Variants in SLAIN2 observed in about 807,000 individuals in gnomAD.
SLAIN2 encodes SLAIN motif-containing protein 2.
SLAIN2 carries 31 observed loss-of-function variants against 56.6 expected under a neutral mutation model. The ratio of observed to expected loss-of-function variants is 0.55; its 90% CI spans 0.41 to 0.74. The LOEUF (loss-of-function observed/expected upper bound fraction) is 0.74, where lower values mean the gene tolerates loss of function less well. Among genes scored for constraint, SLAIN2 ranks in the 30% least tolerant of loss-of-function variants. The probability of loss-of-function intolerance (pLI) is 0.00; values close to 1 mark genes in which losing one functional copy is unlikely to be tolerated. For missense variants in SLAIN2, 777 were observed against 754.2 expected (o/e 1.03, Z -0.35); for synonymous variants, 317 against 284.9 (o/e 1.11, Z -1.13).
chr4:48,375,993 A>G (rs1436805105), intron 2 of SLAIN2, among the ~76,000 whole-genome samples: 11 of 152,174 alleles, frequency 7.2e-5, no homozygotes, highest in Admixed American at 3.3e-4. Context: ...TTGCACCTTT[A>G]TGATAGTACT....
At chr4:48,393,542 C>G (rs1291555400) in intron 6 of SLAIN2, among the ~76,000 whole-genome samples, 5 of 152,168 alleles carry the variant, frequency 3.3e-5, no homozygotes, top group African/African-American at 4.8e-5. Context: ...AACCACCTCA[C>G]TTGGCCAAGA....
At chr4:48,409,543 T>G (rs989702403) in intron 6 of SLAIN2, among the ~76,000 whole-genome samples, 1 of 152,230 alleles carries the variant, frequency 6.6e-6, no homozygotes, top group Non-Finnish European at 1.5e-5. Context: ...GTTTATCCAT[T>G]CATCACTTGG....
rs540737058 is a variant in SLAIN2, at chr4:48,395,323, T to A, written c.1360+11539T>A. Among the ~76,000 whole-genome samples, 7 of 152,200 alleles carry A rather than the reference T, an allele frequency of 4.6e-5. No individual in the cohort carries two copies. The East Asian group carries it at 1.2e-3, about 25-fold the overall frequency. On this transcript the variant is annotated intron_variant, in intron 6 of 7. Transcript: ENST00000264313. Reference sequence around the variant, plus strand: ...TGGTATGAAACAAAGAGGAAAAGTATTTTTCCTATCCAGAACATGTAGGTT... The same window carrying A: ...TGGTATGAAACAAAGAGGAAAAGTAATTTTCCTATCCAGAACATGTAGGTT...
intron 6 of SLAIN2, among the ~76,000 whole-genome samples, chr4:48,389,397 G>T (rs1270106508): frequency 6.6e-6 from 1 of 152,158 alleles, no homozygotes; most frequent in Non-Finnish European, 1.5e-5. Context: ...TTAGTATAGA[G>T]TTCTGGATTT....
intron 7 of SLAIN2, 187 bp downstream of exon 7, chr4:48,420,630 C>A (rs1237231415): frequency 3.9e-6 from 3 of 760,652 alleles, no homozygotes; most frequent in Non-Finnish European, 6.1e-6. Context: ...GGGACTTTTA[C>A]CAGTTTGGTT....
Position 48,342,999 on chromosome 4 carries a change from C to T in SLAIN2, c.389+871C>T, listed in dbSNP as rs149295128. The stretch of plus-strand genomic sequence containing the variant: ...AAATAGGACATGGGAGGCTTTTCCT[C>T]TCGTTTTATTATAAAGATGTGTGTG... On this transcript the variant is annotated intron_variant, in intron 1 of 7. Coordinates refer to ENST00000264313, the MANE Select transcript of SLAIN2 (RefSeq NM_020846.2). 5.2e-3 allele frequency among the ~76,000 whole-genome samples: 795 copies of T among 152,196 alleles called. 8 individuals carry two copies. Among genetic ancestry groups the T allele is most frequent in the African/African-American group, 0.018 (758 of 41,520 alleles).
intron 5 of SLAIN2, 22 bp downstream of exon 5, chr4:48,382,949 A>T: frequency 6.4e-7 from 1 of 1,559,106 alleles, no homozygotes; most frequent in South Asian, 1.2e-5. Context: ...GATTTTACTA[A>T]TAATTAGACA....
At chr4:48,420,878 G>T (rs1717128863) in intron 7 of SLAIN2, among the ~76,000 whole-genome samples, 1 of 152,104 alleles carries the variant, frequency 6.6e-6, no homozygotes, top group Non-Finnish European at 1.5e-5. Context: ...CTATAATTCA[G>T]AATTATCTGT....
At position 48,341,562 on chromosome 4, in the gene SLAIN2, C is replaced by A; in HGVS notation, c.-178C>A. ...AGCCGGCGCAGATGAGGCAGTTCGG[C>A]TGGGGCCAGCGGCGCTTTGGAACCC... On this transcript the variant is annotated 5_prime_UTR_variant, in exon 1 of 8. It adds an upstream start codon to the 5' untranslated region. Transcript: ENST00000264313. 2 of 970,662 alleles carry A rather than the reference C, an allele frequency of 2.1e-6. No homozygotes were observed. The highest frequency in any genetic ancestry group is 2.8e-6 in the Non-Finnish European group (2 of 710,072). The allele number at this position is 970,662 out of a possible 1,614,324, so 60.1% of individuals were successfully genotyped here.
rs1717234175 is a variant in SLAIN2, at chr4:48,424,082, A to G, written c.*2005A>G. 6.6e-6 allele frequency: 1 copy of G among 152,166 alleles called. No individual in the cohort carries two copies. The highest frequency in any genetic ancestry group is 1.5e-5 in the Non-Finnish European group (1 of 68,010). The allele number at this position is 152,166 out of a possible 1,614,324, so 9.4% of individuals were successfully genotyped here. On this transcript the variant is annotated 3_prime_UTR_variant, in exon 8 of 8. Transcript: ENST00000264313. The stretch of plus-strand genomic sequence containing the variant: ...TTTTTTAAGTTAGATAATCAGTTTC[A>G]AAAGGAGTATTCAGGTTATTTAACT...
chr4:48,353,527 G>A (rs421833), intron 1 of SLAIN2, among the ~76,000 whole-genome samples: 91,500 of 151,844 alleles, frequency 0.6, 27,877 homozygotes, highest in South Asian at 0.71. Flanking sequence ...CAAAGAATCC[G>A]TGGGTTAAAC....
At chr4:48,394,902 C>T (rs527400577) in intron 6 of SLAIN2, among the ~76,000 whole-genome samples, 8 of 152,338 alleles carry the variant, frequency 5.3e-5, no homozygotes, top group African/African-American at 1.9e-4. Context: ...TTCTTACCCA[C>T]TTAAAATGAA....
At chr4:48,418,125 C>T (rs1324944747) in intron 6 of SLAIN2, among the ~76,000 whole-genome samples, 1 of 150,842 alleles carries the variant, frequency 6.6e-6, no homozygotes, top group Non-Finnish European at 1.5e-5. Flanking sequence ...CTTCCTCCTT[C>T]TTTCTCCTTC....
intron 6 of SLAIN2, among the ~76,000 whole-genome samples, chr4:48,395,069 T>C (rs1226115801): frequency 3.3e-5 from 5 of 152,172 alleles, no homozygotes; most frequent in African/African-American, 4.8e-5. Flanking sequence ...TAGAAGGTAG[T>C]TGAAGTTAAA....
chr4:48,361,241 G>A (rs1715319123), intron 1 of SLAIN2, among the ~76,000 whole-genome samples: 1 of 152,196 alleles, frequency 6.6e-6, no homozygotes, highest in African/African-American at 2.4e-5. Flanking sequence ...AACTTGAGCA[G>A]GGGAGGGTGA....
In SLAIN2 at chr4:48,421,896, G is replaced by GC. The variant is rs1480196501; in HGVS notation, c.1680-113dup. On this transcript the variant is annotated intron_variant, in intron 7 of 7. Transcript: ENST00000264313. Reference sequence around the variant, plus strand: ...TGTTTAGAGCTTAGGACTTGGTACGGCCTTCATGGGATCGTGATGCCACCT... The same window carrying GC: ...TGTTTAGAGCTTAGGACTTGGTACGGCCCTTCATGGGATCGTGATGCCACCT... 4 of 805,060 alleles carry GC rather than the reference G, an allele frequency of 5.0e-6. No individual in the cohort carries two copies. The African/African-American group carries it at 6.8e-5, about 14-fold the overall frequency. The allele number at this position is 805,060 out of a possible 1,614,324, so 49.9% of individuals were successfully genotyped here.
rs1408138575 is a variant in SLAIN2, at chr4:48,383,782, C to T, written c.1358C>T (p.Ala453Val). The T allele has an allele frequency of 2.5e-6, 4 of 1,610,688 alleles. No individual in the cohort carries two copies. The highest frequency in any genetic ancestry group is 3.3e-5 in the Admixed American group (2 of 59,734). Residue 453 changes from alanine to valine, a missense_variant and splice_region_variant, in exon 6 of 8, where the codon GCC becomes GTC. Transcript: ENST00000264313. ...GIPRMQPQASAIPSPGKFRSP... is the reference protein window; with the variant it reads ...GIPRMQPQASVIPSPGKFRSP... The stretch of plus-strand genomic sequence containing the variant: ...CCTCGTATGCAACCTCAGGCTTCAG[C>T]CAGTAAGTATCCTTCTTATGCTTTC...
At position 48,420,324 on chromosome 4, in the gene SLAIN2, C is replaced by T. The variant is rs558469934; in HGVS notation, c.1560C>T (p.Ser520=). ...VSANPPSNIN[S]ATLTRPAGTT... is the part of the protein sequence containing the mutation. ...CAAATCCTCCCAGCAATATCAACAGCGCTACTCTAACCAGACCTGCAGGGA... is the reference window on the plus strand; with the variant it reads ...CAAATCCTCCCAGCAATATCAACAGTGCTACTCTAACCAGACCTGCAGGGA... Residue 520 remains serine, a synonymous_variant, in exon 7 of 8, where the codon AGC becomes AGT. Coordinates refer to ENST00000264313, the MANE Select transcript of SLAIN2 (RefSeq NM_020846.2). The T allele has an allele frequency of 8.8e-5, 142 of 1,613,978 alleles. 2 individuals carry two copies. The South Asian group carries it at 1.1e-3, about 12-fold the overall frequency.
intron 1 of SLAIN2, among the ~76,000 whole-genome samples, chr4:48,365,685 C>T (rs1327777159): frequency 1.3e-5 from 2 of 151,872 alleles, no homozygotes; most frequent in African/African-American, 4.8e-5. Context: ...CCTCAGTCTC[C>T]CGAGTAGCTG....
Sources: allele counts gnomAD v4.1 joint callset (sites outside exome capture counted in the v4.1 genomes callset), GRCh38; gene constraint gnomAD v4.1.1; transcripts MANE v1.5; gene names NCBI Gene and HGNC (gene_info 2026-07-23, HGNC 2026-07-21).